PAPPA: variants seen among roughly 807,000 people sequenced by gnomAD.
The protein encoded by PAPPA is pappalysin 1.
Under a neutral mutation model 164.0 loss-of-function variants are expected in PAPPA, and 60 were observed. The ratio of observed to expected loss-of-function variants is 0.37; its 90% CI spans 0.30 to 0.45. The LOEUF is 0.45. PAPPA is among the 20% of genes least tolerant of loss of function. The pLI, the probability that PAPPA is intolerant of heterozygous loss-of-function variation, is 1.00. For synonymous variants in PAPPA, 875 were observed against 814.1 expected, an observed-to-expected ratio of 1.07 and a Z score of -1.27; for missense variants, 1,782 against 2,087.3, an observed-to-expected ratio of 0.85 and a Z score of 2.85.
At chr9:116,359,381 T>C (rs781474254) in intron 17 of PAPPA, among the ~76,000 whole-genome samples, 2 of 152,184 alleles carry the variant, frequency 1.3e-5, no homozygotes, top group Non-Finnish European at 2.9e-5. Flanking sequence ...TAAAAACAGA[T>C]GCACAGGCAC....
In PAPPA at chr9:116,321,703, G is replaced by A. The variant is rs368681433; in HGVS notation, c.3148-9541G>A. Among the ~76,000 whole-genome samples the A allele has an allele frequency of 4.0e-4, 61 of 152,268 alleles. No homozygotes were observed. In the South Asian group the frequency reaches 0.012, roughly 30 times the overall value. ...ATAGACTTTGATTTCTAGATCTAAT[G>A]CGTCACCAATCTTATAAAGCCTTGG... is the stretch of plus-strand genomic sequence containing the variant. On this transcript the variant is annotated intron_variant, in intron 10 of 21. Transcript: ENST00000328252.
chr9:116,331,440 G>A, intron 11 of PAPPA, 83 bp downstream of exon 11: 3 of 821,820 alleles, frequency 3.7e-6, no homozygotes, highest in South Asian at 1.4e-5. Context: ...TCTGAAGATG[G>A]GTTGTCTACC....
At chr9:116,155,307 T>C (rs1223582338) in intron 1 of PAPPA, among the ~76,000 whole-genome samples, 1 of 152,184 alleles carries the variant, frequency 6.6e-6, no homozygotes, top group Non-Finnish European at 1.5e-5. Context: ...TGAATTTGAG[T>C]TCTCCCTCCT....
At chr9:116,351,007 G>A (rs1588016019) in intron 15 of PAPPA, among the ~76,000 whole-genome samples, 1 of 152,110 alleles carries the variant, frequency 6.6e-6, no homozygotes, top group South Asian at 2.1e-4. Context: ...AAAATGAGAA[G>A]GAATAAGATA....
At chr9:116,207,433 C>T (rs752217992) in intron 2 of PAPPA, 23 bp from the exon 3 acceptor site, 3 of 1,591,610 alleles carry the variant, frequency 1.9e-6, no homozygotes, top group Non-Finnish European at 2.6e-6. Context: ...ATGATAACAG[C>T]CAAGGTTCTT....
chr9:116,158,981 T>A (rs1843633845), intron 1 of PAPPA, among the ~76,000 whole-genome samples: 1 of 152,228 alleles, frequency 6.6e-6, no homozygotes, highest in Non-Finnish European at 1.5e-5. Flanking sequence ...TTCCTTAACC[T>A]TTCTGTGGAA....
At position 116,235,207 on chromosome 9, in the gene PAPPA, C is replaced by T; in HGVS notation, c.2302C>T (p.Pro768Ser). ...RTWSPNSAVN[P>S]HTVPPACPEP... ...CTGGAGCCCAAATTCAGCTGTCAAC[C>T]CACACACGGTTCCTCCAGCCTGCCC... Residue 768 changes from proline (P) to serine (S), a missense_variant, in exon 7 of 22, where the codon CCA becomes TCA. This residue lies in a region of PAPPA where 1,324 missense variants were observed against 1,656.9 expected (regional missense o/e 0.80). Transcript: ENST00000328252. 6.2e-7 allele frequency: 1 copy of T among 1,614,104 alleles called. No individual in the cohort carries two copies. Among genetic ancestry groups the T allele is most frequent in the South Asian group, 1.1e-5 (1 of 91,078 alleles).
chr9:116,204,363 G>T (rs536837764), intron 2 of PAPPA, among the ~76,000 whole-genome samples: 1 of 151,968 alleles, frequency 6.6e-6, no homozygotes, highest in Non-Finnish European at 1.5e-5. Flanking sequence ...CCAACTCTGC[G>T]TGAGTCTGGG....
At position 116,271,337 on chromosome 9, in the gene PAPPA, A is replaced by G. The variant is rs1480732478; in HGVS notation, c.2874A>G (p.Glu958=). Residue 958 remains glutamate, a synonymous_variant, in exon 9 of 22, where the codon GAA becomes GAG. Coordinates refer to ENST00000328252, the MANE Select transcript of PAPPA (RefSeq NM_002581.5). This position sits in a 1 kb window ranked among gnomAD's most constrained non-coding sequence, Gnocchi z 4.2. The part of the protein sequence containing the change: ...GDGIIQKDQG[E]QCDDMNKING... ...ATCTGCTCTGCAGAGACCAAGGTGA[A>G]CAATGCGACGACATGAATAAGATCA... 2 of 1,613,792 alleles carry G rather than the reference A, an allele frequency of 1.2e-6. No individual in the cohort carries two copies. Among genetic ancestry groups the G allele is most frequent in the East Asian group, 2.2e-5 (1 of 44,880 alleles).
chr9:116,343,313 G>T (rs1846161955), intron 13 of PAPPA, among the ~76,000 whole-genome samples: 1 of 152,142 alleles, frequency 6.6e-6, no homozygotes, highest in Admixed American at 6.5e-5. Flanking sequence ...TTAAAGATTA[G>T]CCTGCAATCT....
At chr9:116,208,671 C>T (rs976665234) in intron 3 of PAPPA, among the ~76,000 whole-genome samples, 5 of 152,224 alleles carry the variant, frequency 3.3e-5, no homozygotes, top group Non-Finnish European at 5.9e-5. Flanking sequence ...TGCCTGGTCT[C>T]CTGGTGAAAC....
intron 13 of PAPPA, among the ~76,000 whole-genome samples, chr9:116,340,801 T>C (rs892497103): frequency 1.3e-5 from 2 of 152,194 alleles, no homozygotes; most frequent in African/African-American, 4.8e-5. Flanking sequence ...TGAGAAGTCC[T>C]GCAACTAAGA....
At chr9:116,218,227 TA>T (rs1370122447) in intron 4 of PAPPA, among the ~76,000 whole-genome samples, 1 of 152,176 alleles carries the variant, frequency 6.6e-6, no homozygotes, top group Non-Finnish European at 1.5e-5. Context: ...TAAGGGGATT[TA>T]AGGCAGCTTC....
intron 7 of PAPPA, among the ~76,000 whole-genome samples, chr9:116,254,728 GC>G (rs1248837234): frequency 1.4e-5 from 2 of 144,022 alleles, no homozygotes; most frequent in East Asian, 2.1e-4. Flanking sequence ...CTTGCAGTGA[GC>G]CAAGACTGCA....
chr9:116,384,887 G>C (rs967817019), intron 21 of PAPPA, among the ~76,000 whole-genome samples: 10 of 152,162 alleles, frequency 6.6e-5, no homozygotes, highest in African/African-American at 1.7e-4. Context: ...AACGGTTGGA[G>C]AAAGAGCAGC....
intron 7 of PAPPA, among the ~76,000 whole-genome samples, chr9:116,245,252 C>T (rs1844783724): frequency 6.6e-6 from 1 of 152,110 alleles, no homozygotes; most frequent in African/African-American, 2.4e-5. Flanking sequence ...ACCCTGAATT[C>T]ACTCTGCCAT....
chr9:116,386,816 A>G (rs758506929), intron 21 of PAPPA, among the ~76,000 whole-genome samples: 9 of 152,282 alleles, frequency 5.9e-5, no homozygotes, highest in Middle Eastern at 3.4e-3. Context: ...TCGGGGGAAG[A>G]TAAGTCTCCC....
intron 6 of PAPPA, among the ~76,000 whole-genome samples, chr9:116,227,785 T>C (rs1048296485): frequency 1.3e-5 from 2 of 152,134 alleles, no homozygotes; most frequent in African/African-American, 4.8e-5. Context: ...ACAAAGACAA[T>C]AAGATATTAA....
chr9:116,279,250 G>C (rs75009932), intron 9 of PAPPA, among the ~76,000 whole-genome samples: 2 of 152,134 alleles, frequency 1.3e-5, no homozygotes, highest in South Asian at 4.1e-4. Flanking sequence ...AGGGTCAAAG[G>C]GGGTCACTGA....
Sources: allele counts gnomAD v4.1 joint callset (sites outside exome capture counted in the v4.1 genomes callset), GRCh38; gene constraint gnomAD v4.1.1; regional missense constraint gnomAD v4.1.1; non-coding constraint Gnocchi (gnomAD v3.1); transcripts MANE v1.5; gene names NCBI Gene and HGNC (gene_info 2026-07-23, HGNC 2026-07-21).